The following ALG14 variants were observed in gnomAD, a reference collection of about 807,000 sequenced individuals.
ALG14 encodes the protein UDP-N-acetylglucosamine transferase subunit ALG14.
ALG14 carries 17 observed loss-of-function variants against 22.8 expected under a neutral mutation model. The ratio of observed to expected loss-of-function variants is 0.75; its 90% CI spans 0.51 to 1.12. The LOEUF (loss-of-function observed/expected upper bound fraction) is 1.12. Ranked by LOEUF, ALG14 falls within the 50% of genes most tolerant of loss-of-function variation. ALG14 has a pLI of 0.00. For missense variants in ALG14, 288 were observed against 271.8 expected (o/e 1.06, Z -0.42); for synonymous variants, 89 against 103.7 (o/e 0.86, Z 0.86).
chr1:95,056,512 G>A (rs550274985), intron 2 of ALG14, among the ~76,000 whole-genome samples: 1 of 152,070 alleles, frequency 6.6e-6, no homozygotes, highest in Admixed American at 6.5e-5. Context: ...AGGTGTGGTG[G>A]TGCGCTCCCA....
rs538419612 is a variant in ALG14, at chr1:95,027,595, T to G, written c.289-335A>C. Among the ~76,000 whole-genome samples the G allele has an allele frequency of 1.5e-3, 221 of 152,316 alleles. 1 individual carries two copies. The highest frequency in any genetic ancestry group is 3.8e-3 in the Admixed American group (58 of 15,296). On this transcript the variant is annotated intron_variant, in intron 2 of 3. Coordinates refer to ENST00000370205, the MANE Select transcript of ALG14 (RefSeq NM_144988.4). ...CAGTCAATATGTAAGACAAGTAACC[T>G]AGTATCAAGATGGGCAAAGACAGAC...
chr1:95,039,447 G>A (rs1054486504), intron 2 of ALG14, among the ~76,000 whole-genome samples: 5 of 152,110 alleles, frequency 3.3e-5, no homozygotes, highest in Admixed American at 3.3e-4. Flanking sequence ...GAGATGACAA[G>A]CAGTGAGAAG....
At chr1:95,034,048 G>A (rs561386665) in intron 2 of ALG14, among the ~76,000 whole-genome samples, 4 of 152,304 alleles carry the variant, frequency 2.6e-5, no homozygotes, top group African/African-American at 9.6e-5. Context: ...GAGCCACACT[G>A]GTCTTCTGTC....
At chr1:95,041,306 G>T (rs917571106) in intron 2 of ALG14, among the ~76,000 whole-genome samples, 3 of 151,970 alleles carry the variant, frequency 2.0e-5, no homozygotes, top group Admixed American at 6.6e-5. Context: ...TAAGCCACCA[G>T]TTGTAATATA....
intron 2 of ALG14, among the ~76,000 whole-genome samples, chr1:95,055,054 C>T (rs1160429465): frequency 2.0e-5 from 3 of 152,198 alleles, no homozygotes; most frequent in African/African-American, 7.2e-5. Context: ...ACCATATTAT[C>T]TCACATGCAG....
intron 2 of ALG14, among the ~76,000 whole-genome samples, chr1:95,042,305 TAC>T (rs34055488): frequency 0.47 from 70,784 of 149,992 alleles, 17,711 homozygotes; most frequent in East Asian, 0.81. Flanking sequence ...GATTTAAACA[TAC>T]ACACACACAC....
intron 2 of ALG14, among the ~76,000 whole-genome samples, chr1:95,049,240 A>T (rs780638784): frequency 3.3e-5 from 5 of 152,208 alleles, no homozygotes; most frequent in South Asian, 2.1e-4. Flanking sequence ...ATAAACATTT[A>T]AAAAATATGG....
chr1:95,030,285 G>A (rs192862064), intron 2 of ALG14, among the ~76,000 whole-genome samples: 12 of 151,682 alleles, frequency 7.9e-5, no homozygotes, highest in Middle Eastern at 3.4e-3. Flanking sequence ...AGGTTTTGCC[G>A]TTAAATAAGC....
At chr1:95,016,143 T>C (rs1372885954) in intron 3 of ALG14, among the ~76,000 whole-genome samples, 10 of 152,204 alleles carry the variant, frequency 6.6e-5, no homozygotes, top group South Asian at 2.1e-4. Context: ...CTGGTATGCA[T>C]GTTGCCCAAG....
At chr1:95,036,301 C>T (rs1356903938) in intron 2 of ALG14, among the ~76,000 whole-genome samples, 2 of 152,040 alleles carry the variant, frequency 1.3e-5, no homozygotes, top group Admixed American at 6.6e-5. Flanking sequence ...TAAGGGGCTT[C>T]CCCCTTTGCT....
chr1:95,054,517 C>A (rs1024747184), intron 2 of ALG14, among the ~76,000 whole-genome samples: 3 of 152,130 alleles, frequency 2.0e-5, no homozygotes, highest in Admixed American at 6.6e-5. Flanking sequence ...TTTTAAATTA[C>A]CCGGTCTTGG....
chr1:95,070,392 T>C (rs1675521050), intron 1 of ALG14, among the ~76,000 whole-genome samples: 1 of 152,242 alleles, frequency 6.6e-6, no homozygotes, highest in Non-Finnish European at 1.5e-5. Flanking sequence ...TCATCAGTGA[T>C]TTTCAGTGAA....
In ALG14 at chr1:95,008,889, C is replaced by G. The variant is rs549788609; in HGVS notation, c.420+18240G>C. Among the ~76,000 whole-genome samples the G allele has an allele frequency of 2.0e-5, 3 of 152,254 alleles. 1 individual carries two copies. The highest frequency in any genetic ancestry group is 2.0e-4 in the Admixed American group (3 of 15,292). On this transcript the variant is annotated intron_variant, in intron 3 of 3. Coordinates refer to ENST00000370205, the MANE Select transcript of ALG14 (RefSeq NM_144988.4). ...TTCTGTCTCTGTGAATTTGTCTATTCTGGCTACCCCAAAGAAGTGGACTCA... is the reference window on the plus strand; with the variant it reads ...TTCTGTCTCTGTGAATTTGTCTATTGTGGCTACCCCAAAGAAGTGGACTCA...
intron 2 of ALG14, among the ~76,000 whole-genome samples, chr1:95,058,067 C>T (rs1183408419): frequency 6.6e-6 from 1 of 151,472 alleles, no homozygotes; most frequent in African/African-American, 2.4e-5. Context: ...GTGGGCGGAT[C>T]ATGAGGTCAG....
chr1:94,985,472 C>T (rs1672619506), intron 3 of ALG14, among the ~76,000 whole-genome samples: 1 of 152,206 alleles, frequency 6.6e-6, no homozygotes, highest in Admixed American at 6.5e-5. Flanking sequence ...AATGCACTCC[C>T]TAATCCTTGG....
At chr1:94,984,967 CTG>C (rs1672601236) in intron 3 of ALG14, among the ~76,000 whole-genome samples, 1 of 151,926 alleles carries the variant, frequency 6.6e-6, no homozygotes, top group African/African-American at 2.4e-5. Flanking sequence ...TTTAATAACT[CTG>C]TATCATTCCA....
rs1274724578 is a variant in ALG14 at position 95,045,049 on chromosome 1, T to C, written c.289-17789A>G. ...GGCCCATATTGATCATTTCCTTTTATTCAAGCTCCTTTCCCAGTGTTTAAT... is the reference window on the plus strand; with the variant it reads ...GGCCCATATTGATCATTTCCTTTTACTCAAGCTCCTTTCCCAGTGTTTAAT... On this transcript the variant is annotated intron_variant, in intron 2 of 3. Transcript: ENST00000370205. Among the ~76,000 whole-genome samples the C allele has an allele frequency of 2.0e-5, 3 of 152,194 alleles. No homozygotes were observed. In the East Asian group the frequency reaches 5.8e-4, roughly 29 times the overall value.
chr1:95,045,449 G>T (rs1674516140), intron 2 of ALG14, among the ~76,000 whole-genome samples: 1 of 152,000 alleles, frequency 6.6e-6, no homozygotes, highest in South Asian at 2.1e-4. Flanking sequence ...GGTTATTTGT[G>T]CAAAGCAGTG....
rs566392449 is a variant in ALG14 at position 95,041,258 on chromosome 1, C to A, written c.289-13998G>T. Among the ~76,000 whole-genome samples, 6 of 152,168 alleles carry A rather than the reference C, an allele frequency of 3.9e-5. 1 individual carries two copies. Among genetic ancestry groups the A allele is most frequent in the African/African-American group, 1.4e-4 (6 of 41,530 alleles). Reference sequence around the variant, plus strand: ...AGGTCCATATGAATGAGGAAAAGTGCACATATACATTATACACACTCAAAA... The same window carrying A: ...AGGTCCATATGAATGAGGAAAAGTGAACATATACATTATACACACTCAAAA... On this transcript the variant is annotated intron_variant, in intron 2 of 3. Transcript: ENST00000370205.
Sources: allele counts gnomAD v4.1 joint callset (sites outside exome capture counted in the v4.1 genomes callset), GRCh38; gene constraint gnomAD v4.1.1; transcripts MANE v1.5; gene names NCBI Gene and HGNC (gene_info 2026-07-23, HGNC 2026-07-21).